FRY: variants seen among roughly 807,000 people sequenced by gnomAD.
FRY encodes FRY microtubule binding protein.
A neutral mutation model predicts 348.4 loss-of-function variants in FRY; 128 were observed. The observed-to-expected ratio is 0.37, with a 90% confidence interval of 0.32 to 0.43. The LOEUF (loss-of-function observed/expected upper bound fraction) is 0.43. FRY is among the 20% of genes least tolerant of loss of function. FRY has a pLI of 1.00. For missense variants in FRY, 2,736 were observed against 3,695.2 expected (o/e 0.74, Z 6.73); for synonymous variants, 1,370 against 1,374.7 (o/e 1.00, Z 0.08).
At chr13:32,244,716 G>T (rs776543428) in intron 47 of FRY, among the ~76,000 whole-genome samples, 4 of 152,168 alleles carry the variant, frequency 2.6e-5, no homozygotes, top group Admixed American at 6.5e-5. Context: ...ATGACAAAAT[G>T]TGAATAGTTG....
In FRY at chr13:32,194,179, C is replaced by T. The variant is rs747080460; in HGVS notation, c.3628C>T (p.Leu1210=). 2 of 1,614,012 alleles carry T rather than the reference C, an allele frequency of 1.2e-6. No individual in the cohort carries two copies. Residue 1210 remains leucine, a synonymous_variant, in exon 29 of 61, where the codon CTG becomes TTG. Coordinates refer to ENST00000542859, the MANE Select transcript of FRY (RefSeq NM_023037.3). ...TGGCTGCGAAGTTGTTGTCTTGCTA[C>T]TGGAACTTAATCCTGACCAAATAAA... is the stretch of plus-strand genomic sequence containing the variant. ...QLGCEVVVLL[L]ELNPDQINLF...
intron 1 of FRY, among the ~76,000 whole-genome samples, chr13:32,060,242 T>G (rs959768483): frequency 2.6e-5 from 4 of 152,226 alleles, no homozygotes; most frequent in African/African-American, 9.6e-5. Context: ...TTTAAGTAAC[T>G]TTGCATTTTC....
rs763537750 is a variant in FRY at position 32,178,128 on chromosome 13, G to A, written c.2422-49G>A. ...GTCAGGCTGAGCCTTGATGAGGATG[G>A]ATAACTTCAGTTCGGGTTTAACTTA... On this transcript the variant is annotated intron_variant, in intron 20 of 60. Transcript: ENST00000542859. 6 of 1,604,766 alleles carry A rather than the reference G, an allele frequency of 3.7e-6. No homozygotes were observed. In the African/African-American group the frequency reaches 8.0e-5, roughly 21 times the overall value.
chr13:32,210,491 C>A (rs1173396682), intron 33 of FRY, among the ~76,000 whole-genome samples: 1 of 152,168 alleles, frequency 6.6e-6, no homozygotes, highest in Non-Finnish European at 1.5e-5. Context: ...TAGCAGGGGA[C>A]TGGATTCCTT....
At position 32,247,322 on chromosome 13, in the gene FRY, G is replaced by A; in HGVS notation, c.6829-1G>A. On this transcript the variant is annotated splice_acceptor_variant, in intron 47 of 60. Transcript: ENST00000542859. LOFTEE classifies it high-confidence loss of function. Reference sequence around the variant, plus strand: ...ACCCTTGAATGTTTTATTTCCTGCAGAGTGTTCACTGGAGAGAAGCTCTGA... The same window carrying A: ...ACCCTTGAATGTTTTATTTCCTGCAAAGTGTTCACTGGAGAGAAGCTCTGA... 6.2e-7 allele frequency: 1 copy of A among 1,610,692 alleles called. No individual in the cohort carries two copies. Among genetic ancestry groups the A allele is most frequent in the Non-Finnish European group, 8.5e-7 (1 of 1,176,946 alleles).
At chr13:32,292,134 C>A (rs958400617) in intron 59 of FRY, 1 of 327,132 alleles carries the variant, frequency 3.1e-6, no homozygotes, top group Non-Finnish European at 6.1e-6. Flanking sequence ...AGGCCCGCAC[C>A]ACCATGCCCA....
At chr13:32,228,763 CCTGTTTCTCTTCTCAATTGCAA>C (rs1885750000) in intron 40 of FRY, 109 bp downstream of exon 40, 1 of 914,004 alleles carries the variant, frequency 1.1e-6, no homozygotes, top group Non-Finnish European at 1.8e-6. Flanking sequence ...CTAACAAAGT[CCTGTTTCTCTTCTCAATTGCAA>C]CTGCTGGAGT....
intron 1 of FRY, among the ~76,000 whole-genome samples, chr13:32,047,045 A>G (rs1460583381): frequency 6.6e-6 from 1 of 152,200 alleles, no homozygotes. Flanking sequence ...ATATGGGTAT[A>G]TATGTATATA....
chr13:32,171,433 C>T (rs1321061165), intron 18 of FRY, among the ~76,000 whole-genome samples, 163 bp downstream of exon 18: 2 of 151,098 alleles, frequency 1.3e-5, no homozygotes, highest in Admixed American at 1.3e-4. Context: ...GCCTCAGCCT[C>T]CCGAGTAGCT....
At position 32,173,264 on chromosome 13, in the gene FRY, A is replaced by G. The variant is rs1009965587; in HGVS notation, c.2152-103A>G. 1.5e-5 allele frequency: 12 copies of G among 804,138 alleles called. No homozygotes were observed. In the South Asian group the frequency reaches 1.7e-4, roughly 12 times the overall value. The allele number at this position is 804,138 out of a possible 1,614,324, so 49.8% of individuals were successfully genotyped here. Reference sequence around the variant, plus strand: ...TTCTAAACCATGGTCATTTATTTTAATATTTACAAGGTCAAATGTGCAAAA... The same window carrying G: ...TTCTAAACCATGGTCATTTATTTTAGTATTTACAAGGTCAAATGTGCAAAA... On this transcript the variant is annotated intron_variant, in intron 18 of 60. Coordinates refer to ENST00000542859, the MANE Select transcript of FRY (RefSeq NM_023037.3).
chr13:32,237,980 G>A lies in FRY; in HGVS notation c.6412G>A (p.Ala2138Thr), dbSNP rs202212752. The change falls in exon 44 of 61, where the codon GCT becomes ACT. Residue 2138 changes from alanine to threonine, a missense_variant. Physicochemically the swap from Ala to Thr is moderately conservative, Grantham distance 58. Around this residue, in one of 9 missense-constraint regions of FRY, gnomAD observed 789 missense variants for 996.2 expected, o/e 0.79. Transcript: ENST00000542859. The surrounding 1 kb of genome is among the most constrained non-coding windows in gnomAD (Gnocchi z 6.3). Reference sequence around the variant, plus strand: ...AATATCCATGGTGGATGCATCCCACGCTATTGGTAAAGCCAGCCTCGTTCA... The same window carrying A: ...AATATCCATGGTGGATGCATCCCACACTATTGGTAAAGCCAGCCTCGTTCA... ...SKISMVDASH[A>T]IGFPLNVLCL... The A allele has an allele frequency of 6.0e-5, 97 of 1,613,434 alleles. No homozygotes were observed. The highest frequency in any genetic ancestry group is 5.3e-4 in the Admixed American group (32 of 60,002).
chr13:32,234,278 C>G (rs1886094322), intron 41 of FRY, among the ~76,000 whole-genome samples: 1 of 151,958 alleles, frequency 6.6e-6, no homozygotes, highest in Non-Finnish European at 1.5e-5. Context: ...AAAAAAGTAT[C>G]CAGGCATGGT....
rs1882039318 is a variant in FRY at position 32,171,253 on chromosome 13, A to G, written c.2134A>G (p.Lys712Glu). ...TQGKVYEQAN[K>E]IRNSELIANG... ...AGGAAAAGTCTATGAACAAGCCAAC[A>G]AAATCAGAAATTCAGAGGTGATTTT... is the stretch of plus-strand genomic sequence containing the variant. The change falls in exon 18 of 61, where the codon AAA becomes GAA. Residue 712 changes from lysine (K) to glutamate (E), a missense_variant. Around this residue, in one of 9 missense-constraint regions of FRY, gnomAD observed 449 missense variants for 576.9 expected, o/e 0.78. Coordinates refer to ENST00000542859, the MANE Select transcript of FRY (RefSeq NM_023037.3). The G allele has an allele frequency of 6.2e-7, 1 of 1,613,270 alleles. No homozygotes were observed.
At chr13:32,051,408 A>G (rs534301434) in intron 1 of FRY, among the ~76,000 whole-genome samples, 1 of 152,204 alleles carries the variant, frequency 6.6e-6, no homozygotes, top group Non-Finnish European at 1.5e-5. Flanking sequence ...TACCGGAATG[A>G]AAAAGAAGCC....
intron 59 of FRY, among the ~76,000 whole-genome samples, chr13:32,292,790 CAATAAATAAATA>C (rs111702874): frequency 2.5e-4 from 35 of 141,120 alleles, no homozygotes; most frequent in East Asian, 6.3e-4. Context: ...GACTCCATCT[CAATAAATAAATA>C]AATAAATAAA....
chr13:32,165,077 G>T (rs186572120), intron 17 of FRY, among the ~76,000 whole-genome samples: 3 of 150,328 alleles, frequency 2.0e-5, no homozygotes, highest in Non-Finnish European at 3.0e-5. Context: ...CTGGGCACAT[G>T]TTCATTCTTA....
intron 28 of FRY, among the ~76,000 whole-genome samples, chr13:32,192,417 A>G (rs1207596521): frequency 6.6e-6 from 1 of 151,962 alleles, no homozygotes; most frequent in Non-Finnish European, 1.5e-5. Context: ...GGTTCATGCC[A>G]TTCTCCCGCC....
chr13:32,158,170 C>T (rs1881225617), intron 16 of FRY, among the ~76,000 whole-genome samples: 1 of 152,002 alleles, frequency 6.6e-6, no homozygotes, highest in Non-Finnish European at 1.5e-5. Flanking sequence ...GTAACATGTG[C>T]TCGTGATTAA....
intron 44 of FRY, 112 bp downstream of exon 44, chr13:32,238,098 T>A (rs1886310408): frequency 2.6e-6 from 3 of 1,175,480 alleles, no homozygotes; most frequent in Admixed American, 1.7e-5. Context: ...TTAAAAATGG[T>A]TCCTTGGGAG....
Sources: allele counts gnomAD v4.1 joint callset (sites outside exome capture counted in the v4.1 genomes callset), GRCh38; gene constraint gnomAD v4.1.1; regional missense constraint gnomAD v4.1.1; non-coding constraint Gnocchi (gnomAD v3.1); transcripts MANE v1.5; gene names NCBI Gene and HGNC (gene_info 2026-07-23, HGNC 2026-07-21).